Variants in GTF3C4 observed in about 807,000 individuals in gnomAD.
The protein encoded by GTF3C4 is general transcription factor IIIC subunit 4.
Under a neutral mutation model 67.5 loss-of-function variants are expected in GTF3C4, and 28 were observed. That is an observed-to-expected ratio of 0.41 (90% CI 0.31 to 0.57). The LOEUF is 0.57. Ranked by LOEUF, GTF3C4 falls within the 20% of genes least tolerant of loss-of-function variation. GTF3C4 has a pLI of 0.21. For missense variants in GTF3C4, 831 were observed against 1,033.2 expected (o/e 0.80, Z 2.68); for synonymous variants, 409 against 393.0 (o/e 1.04, Z -0.48).
chr9:132,692,193 T>A lies in GTF3C4; in HGVS notation c.*3248T>A, dbSNP rs1026039125. ...CCCCCAGACACCCTCTTGGTTTCCA[T>A]TCCTTTAGTTCCCTCTGCTTTAGAA... On this transcript the variant is annotated 3_prime_UTR_variant, in exon 5 of 5. Coordinates refer to ENST00000372146, the MANE Select transcript of GTF3C4 (RefSeq NM_012204.4). 1 of 152,234 alleles carries A rather than the reference T, an allele frequency of 6.6e-6. No individual in the cohort carries two copies. Among genetic ancestry groups the A allele is most frequent in the Non-Finnish European group, 1.5e-5 (1 of 68,046 alleles). 9.4% of individuals were successfully genotyped at this position (152,234 alleles called of 1,614,324 possible).
intron 4 of GTF3C4, among the ~76,000 whole-genome samples, chr9:132,687,647 A>G (rs1443744802): frequency 1.3e-5 from 2 of 152,208 alleles, no homozygotes; most frequent in Non-Finnish European, 2.9e-5. Flanking sequence ...GATGACATAG[A>G]TAGATTATAT....
At position 132,670,661 on chromosome 9, in the gene GTF3C4, G is replaced by A; in HGVS notation, c.63G>A (p.Glu21=). Residue 21 remains glutamate, a synonymous_variant, in exon 1 of 5, where the codon GAG becomes GAA. Coordinates refer to ENST00000372146, the MANE Select transcript of GTF3C4 (RefSeq NM_012204.4). ...ACGACGGGCCTGCGCCGTCTGGGGA[G>A]GAGGAGGGAGAGGGGGGCGGCGAGG... The part of the protein sequence containing the change: ...PADDGPAPSG[E]EEGEGGGEAG... 1 of 1,500,092 alleles carries A rather than the reference G, an allele frequency of 6.7e-7. No individual in the cohort carries two copies. The highest frequency in any genetic ancestry group is 8.8e-7 in the Non-Finnish European group (1 of 1,133,508). 92.9% of individuals were successfully genotyped at this position (1,500,092 alleles called of 1,614,324 possible). A position where few individuals can be genotyped will look rare whatever the true frequency, so the allele number is the denominator to read the frequency against.
Position 132,690,498 on chromosome 9 carries a change from A to T in GTF3C4, c.*1553A>T, listed in dbSNP as rs1379892731. The stretch of plus-strand genomic sequence containing the variant: ...ATGATACCATGACGGCAACCTCCCC[A>T]CCCCCACCCCGCATTGATAGGTAGT... On this transcript the variant is annotated 3_prime_UTR_variant, in exon 5 of 5. Coordinates refer to ENST00000372146, the MANE Select transcript of GTF3C4 (RefSeq NM_012204.4). 1.3e-5 allele frequency: 1 copy of T among 78,352 alleles called. No homozygotes were observed. 4.9% of individuals were successfully genotyped at this position (78,352 alleles called of 1,614,324 possible).
At position 132,683,858 on chromosome 9, in the gene GTF3C4, G is replaced by A. The variant is rs564189334; in HGVS notation, c.2315+165G>A. Among the ~76,000 whole-genome samples, 3 of 152,334 alleles carry A rather than the reference G, an allele frequency of 2.0e-5. No homozygotes were observed. The South Asian group carries it at 6.2e-4, about 32-fold the overall frequency. On this transcript the variant is annotated intron_variant, in intron 3 of 4. Coordinates refer to ENST00000372146, the MANE Select transcript of GTF3C4 (RefSeq NM_012204.4). ...AGCCTGATGTGGACTTTTTTCATCA[G>A]TGTCACTCAAGCAAGTTGGCCTTTA...
chr9:132,682,759 C>T (rs918961931), intron 2 of GTF3C4, among the ~76,000 whole-genome samples: 20 of 151,886 alleles, frequency 1.3e-4, no homozygotes, highest in African/African-American at 3.9e-4. Flanking sequence ...TATGTGCCAC[C>T]GTGCCTGGCT....
At chr9:132,674,182 TAA>T (rs1835831983) in intron 1 of GTF3C4, among the ~76,000 whole-genome samples, 1 of 152,244 alleles carries the variant, frequency 6.6e-6, no homozygotes, top group African/African-American at 2.4e-5. Context: ...TATTTGCCAT[TAA>T]AAGTGATGGT....
intron 2 of GTF3C4, among the ~76,000 whole-genome samples, chr9:132,682,084 A>T (rs1835953799): frequency 6.6e-6 from 1 of 152,098 alleles, no homozygotes; most frequent in Admixed American, 6.6e-5. Context: ...AGCCGGGGCA[A>T]CAGCGAGACC....
Position 132,690,055 on chromosome 9 carries a change from G to T in GTF3C4, c.*1110G>T, listed in dbSNP as rs1206756400. 6.6e-6 allele frequency: 1 copy of T among 152,310 alleles called. No individual in the cohort carries two copies. Among genetic ancestry groups the T allele is most frequent in the East Asian group, 1.9e-4 (1 of 5,192 alleles). The allele number at this position is 152,310 out of a possible 1,614,324, so 9.4% of individuals were successfully genotyped here. A position where few individuals can be genotyped will look rare whatever the true frequency, so the allele number is the denominator to read the frequency against. Reference sequence around the variant, plus strand: ...GATGGGGCTGGGCTTGGTGGCTCATGCCTGTACTCTCAACACTTTGGGAAG... The same window carrying T: ...GATGGGGCTGGGCTTGGTGGCTCATTCCTGTACTCTCAACACTTTGGGAAG... On this transcript the variant is annotated 3_prime_UTR_variant, in exon 5 of 5. Coordinates refer to ENST00000372146, the MANE Select transcript of GTF3C4 (RefSeq NM_012204.4).
At position 132,679,126 on chromosome 9, in the gene GTF3C4, C is replaced by T; in HGVS notation, c.1507C>T (p.Pro503Ser). ...TGAGGGCATGATCAACGGCCTCCACCCTGTTAACAAAAACTACCAGGTCCA... is the reference window on the plus strand; with the variant it reads ...TGAGGGCATGATCAACGGCCTCCACTCTGTTAACAAAAACTACCAGGTCCA... ...TTEGMINGLHPVNKNYQVQFV... is the reference protein window; with the variant it reads ...TTEGMINGLHSVNKNYQVQFV... The change falls in exon 2 of 5, where the codon CCT becomes TCT. Residue 503 changes from proline (P) to serine (S), a missense_variant. Coordinates refer to ENST00000372146, the MANE Select transcript of GTF3C4 (RefSeq NM_012204.4). The surrounding 1 kb of genome is among the most constrained non-coding windows in gnomAD (Gnocchi z 5.9). 6.2e-7 allele frequency: 1 copy of T among 1,614,182 alleles called. No individual in the cohort carries two copies.
At chr9:132,686,685 T>C (rs1836034302) in intron 3 of GTF3C4, among the ~76,000 whole-genome samples, 1 of 152,184 alleles carries the variant, frequency 6.6e-6, no homozygotes, top group Non-Finnish European at 1.5e-5. Context: ...TTGCCTTCGA[T>C]ATTCTTCAGG....
In GTF3C4 at chr9:132,683,653, C is replaced by G; in HGVS notation, c.2275C>G (p.Arg759Gly). The change falls in exon 3 of 5, where the codon CGC becomes GGC. Residue 759 changes from arginine (R) to glycine (G), a missense_variant. Around this residue, in one of 4 missense-constraint regions of GTF3C4, gnomAD observed 129 missense variants for 213.8 expected, o/e 0.60. Coordinates refer to ENST00000372146, the MANE Select transcript of GTF3C4 (RefSeq NM_012204.4). ...LCKEILPFTD[R>G]KQAVCSNGHI... ...TAAAGAGATCTTGCCATTCACAGAT[C>G]GCAAACAGGCAGTCTGTTCCAATGG... The G allele has an allele frequency of 6.2e-7, 1 of 1,612,926 alleles. No individual in the cohort carries two copies. The highest frequency in any genetic ancestry group is 1.7e-4 in the Middle Eastern group (1 of 6,060).
upstream of GTF3C4, chr9:132,670,112 G>C (rs757006415): frequency 1.9e-5 from 30 of 1,577,422 alleles, no homozygotes; most frequent in Admixed American, 5.3e-4. Flanking sequence ...GGCGGGTAGG[G>C]ACAAGACTAC....
rs1376920633 is a variant in GTF3C4 at position 132,679,939 on chromosome 9, G to A, written c.2184+136G>A. 2.8e-6 allele frequency: 2 copies of A among 706,894 alleles called. No homozygotes were observed. Among genetic ancestry groups the A allele is most frequent in the African/African-American group, 1.8e-5 (1 of 56,038 alleles). The allele number at this position is 706,894 out of a possible 1,614,324, so 43.8% of individuals were successfully genotyped here. On this transcript the variant is annotated intron_variant, in intron 2 of 4. Transcript: ENST00000372146. The surrounding 1 kb of genome is among the most constrained non-coding windows in gnomAD (Gnocchi z 5.9). ...GGTAATTTATTTGCTTGAGGTGCAG[G>A]GTAATAAATAGGAAGCGTGGATTAA... is the stretch of plus-strand genomic sequence containing the variant.
intron 1 of GTF3C4, among the ~76,000 whole-genome samples, chr9:132,672,538 A>C (rs183795507): frequency 1.1e-4 from 17 of 152,350 alleles, no homozygotes; most frequent in Non-Finnish European, 2.4e-4. Flanking sequence ...ACGGATCAGT[A>C]CATGAGCTCA....
At chr9:132,670,352 C>A, upstream of GTF3C4, 1 of 1,396,518 alleles carries the variant, frequency 7.2e-7, no homozygotes, top group South Asian at 1.7e-5. Flanking sequence ...AGCTCAATCC[C>A]TGGGCAGGGA....
rs1256002375 is a variant in GTF3C4, at chr9:132,670,907, T to A, written c.309T>A (p.Val103=). Reference sequence around the variant, plus strand: ...TGCACAACCCGGGCCAGGACCTGGTTATCCACCGCACCTCGGTGCCCGCAC... The same window carrying A: ...TGCACAACCCGGGCCAGGACCTGGTAATCCACCGCACCTCGGTGCCCGCAC... ...CDVHNPGQDL[V]IHRTSVPAPL... The change falls in exon 1 of 5, where the codon GTT becomes GTA. Residue 103 remains valine (V), a synonymous_variant. Transcript: ENST00000372146. The A allele has an allele frequency of 4.3e-6, 7 of 1,612,382 alleles. No individual in the cohort carries two copies. Among genetic ancestry groups the A allele is most frequent in the Non-Finnish European group, 5.9e-6 (7 of 1,179,906 alleles).
Position 132,692,945 on chromosome 9 carries a change from A to C in GTF3C4, c.*4000A>C, listed in dbSNP as rs775992421. 15 of 152,208 alleles carry C rather than the reference A, an allele frequency of 9.9e-5. No individual in the cohort carries two copies. The highest frequency in any genetic ancestry group is 1.9e-4 in the Non-Finnish European group (13 of 68,032). 9.4% of individuals were successfully genotyped at this position (152,208 alleles called of 1,614,324 possible). A position where few individuals can be genotyped will look rare whatever the true frequency, so the allele number is the denominator to read the frequency against. ...TCTGCTTCATGTCTGCTAGCATGGTATCTGCTGTTCAACCTAGTATAGAGC... is the reference window on the plus strand; with the variant it reads ...TCTGCTTCATGTCTGCTAGCATGGTCTCTGCTGTTCAACCTAGTATAGAGC... On this transcript the variant is annotated 3_prime_UTR_variant, in exon 5 of 5. Coordinates refer to ENST00000372146, the MANE Select transcript of GTF3C4 (RefSeq NM_012204.4).
At chr9:132,674,987 C>T (rs868064414) in intron 1 of GTF3C4, among the ~76,000 whole-genome samples, 10 of 151,956 alleles carry the variant, frequency 6.6e-5, no homozygotes, top group Middle Eastern at 3.2e-3. Flanking sequence ...GCTGTAGTCA[C>T]GCCAGCTGCA....
chr9:132,685,499 G>A (rs11243877), intron 3 of GTF3C4, among the ~76,000 whole-genome samples: 28,718 of 150,382 alleles, frequency 0.19, 3,384 homozygotes, highest in East Asian at 0.4. Flanking sequence ...TTTCCAATTT[G>A]TATTGCATTC....
Sources: allele counts gnomAD v4.1 joint callset (sites outside exome capture counted in the v4.1 genomes callset), GRCh38; gene constraint gnomAD v4.1.1; regional missense constraint gnomAD v4.1.1; non-coding constraint Gnocchi (gnomAD v3.1); transcripts MANE v1.5; gene names NCBI Gene and HGNC (gene_info 2026-07-23, HGNC 2026-07-21).